The following POU2F1 variants were observed in gnomAD, a reference collection of about 807,000 sequenced individuals.
The protein encoded by POU2F1 is POU domain, class 2, transcription factor 1.
Under a neutral mutation model 84.9 loss-of-function variants are expected in POU2F1, and 16 were observed. The observed-to-expected ratio is 0.19, with a 90% CI of 0.13 to 0.29. The LOEUF (loss-of-function observed/expected upper bound fraction) is 0.29. POU2F1 is among the 10% of genes least tolerant of loss of function. The pLI is 1.00. For synonymous variants in POU2F1, 368 were observed against 368.3 expected, an observed-to-expected ratio of 1.00 and a Z score of 0.01; for missense variants, 738 against 942.6, an observed-to-expected ratio of 0.78 and a Z score of 2.84.
rs1489353981 is a variant in POU2F1 at position 167,416,792 on chromosome 1, A to G, written c.*982A>G. 1.3e-5 allele frequency: 2 copies of G among 152,350 alleles called. No individual in the cohort carries two copies. The highest frequency in any genetic ancestry group is 4.8e-5 in the African/African-American group (2 of 41,444). The allele number at this position is 152,350 out of a possible 1,614,324, so 9.4% of individuals were successfully genotyped here. ...CCTGAGGCCCAGTTCCTGTGGTGCA[A>G]CAGTGCTGCTTTCTGCTACTTTCAA... is the stretch of plus-strand genomic sequence containing the variant. On this transcript the variant is annotated 3_prime_UTR_variant, in exon 16 of 16. Coordinates refer to ENST00000367866, the MANE Select transcript of POU2F1 (RefSeq NM_002697.4).
chr1:167,245,411 ATT>A (rs985054717), intron 1 of POU2F1, among the ~76,000 whole-genome samples: 21 of 132,398 alleles, frequency 1.6e-4, no homozygotes, highest in African/African-American at 8.3e-5. Flanking sequence ...TGCCTGGCTA[ATT>A]TTTTTTTTTT....
chr1:167,372,929 T>TTTTC lies in POU2F1; in HGVS notation c.402+913_402+916dup, dbSNP rs36194315. On this transcript the variant is annotated intron_variant, in intron 5 of 15. Coordinates refer to ENST00000367866, the MANE Select transcript of POU2F1 (RefSeq NM_002697.4). Reference sequence around the variant, plus strand: ...CCCAAGAATTTCCTAGGGTTTTTTGTTTTCTTTCTTTCTTTCTTTCTTTTT... The same window carrying TTTTC: ...CCCAAGAATTTCCTAGGGTTTTTTGTTTTCTTTCTTTCTTTCTTTCTTTCTTTTT... Among the ~76,000 whole-genome samples the TTTTC allele has an allele frequency of 3.9e-3, 584 of 150,846 alleles. 4 individuals are homozygous for TTTTC. Among genetic ancestry groups the TTTTC allele is most frequent in the African/African-American group, 0.013 (548 of 41,102 alleles).
chr1:167,300,141 C>T (rs1057246344), intron 1 of POU2F1, among the ~76,000 whole-genome samples: 7 of 152,168 alleles, frequency 4.6e-5, no homozygotes, highest in Non-Finnish European at 1.0e-4. Context: ...AGGCTATTAC[C>T]CTAAGCGAGT....
intron 1 of POU2F1, among the ~76,000 whole-genome samples, chr1:167,310,117 A>C (rs1655355437): frequency 6.6e-6 from 1 of 152,184 alleles, no homozygotes; most frequent in Non-Finnish European, 1.5e-5. Context: ...GATATTGATT[A>C]ACTTTGGAAG....
chr1:167,277,941 C>A (rs1216394410), intron 1 of POU2F1, among the ~76,000 whole-genome samples: 2 of 152,124 alleles, frequency 1.3e-5, no homozygotes, highest in Non-Finnish European at 2.9e-5. Flanking sequence ...GGATTATCTC[C>A]CCCTTGCAGC....
At position 167,383,966 on chromosome 1, in the gene POU2F1, A is replaced by G. The variant is rs2101880131; in HGVS notation, c.813+15A>G. 1.3e-6 allele frequency: 2 copies of G among 1,591,644 alleles called. No homozygotes were observed. The highest frequency in any genetic ancestry group is 1.1e-5 in the South Asian group (1 of 89,048). On this transcript the variant is annotated intron_variant, in intron 8 of 15. Coordinates refer to ENST00000367866, the MANE Select transcript of POU2F1 (RefSeq NM_002697.4). ...TCACCTCCCAGGTCAGTTTTCTTCTATGGGGGCTGCTTTCTCTTATCATAT... is the reference window on the plus strand; with the variant it reads ...TCACCTCCCAGGTCAGTTTTCTTCTGTGGGGGCTGCTTTCTCTTATCATAT...
intron 2 of POU2F1, among the ~76,000 whole-genome samples, chr1:167,357,672 C>T (rs1471495762): frequency 6.6e-6 from 1 of 151,888 alleles, no homozygotes; most frequent in South Asian, 2.1e-4. Flanking sequence ...AGCCAGCACA[C>T]CCAGTCCTTA....
At chr1:167,395,928 T>C (rs1333946046) in intron 9 of POU2F1, among the ~76,000 whole-genome samples, 2 of 152,200 alleles carry the variant, frequency 1.3e-5, no homozygotes, top group African/African-American at 4.8e-5. Context: ...TTTTTAAAAA[T>C]TACTTAAATC....
At chr1:167,231,968 G>C (rs1440691874) in intron 1 of POU2F1, among the ~76,000 whole-genome samples, 1 of 152,112 alleles carries the variant, frequency 6.6e-6, no homozygotes, top group Non-Finnish European at 1.5e-5. Context: ...CAAGGGGATT[G>C]GTTCCAGGAT....
intron 15 of POU2F1, among the ~76,000 whole-genome samples, chr1:167,413,661 A>G (rs939700838): frequency 6.6e-5 from 10 of 152,086 alleles, no homozygotes; most frequent in Non-Finnish European, 1.2e-4. Context: ...ATTCTCTTGG[A>G]TTATAATGTC....
intron 1 of POU2F1, among the ~76,000 whole-genome samples, chr1:167,240,648 A>G (rs1649830834): frequency 6.6e-6 from 1 of 152,268 alleles, no homozygotes; most frequent in South Asian, 2.1e-4. Flanking sequence ...CTGAAAATCT[A>G]CTATTGTTTT....
rs888765746 is a variant in POU2F1, at chr1:167,416,943, T to G, written c.*1133T>G. 1 of 152,202 alleles carries G rather than the reference T, an allele frequency of 6.6e-6. No homozygotes were observed. The highest frequency in any genetic ancestry group is 1.5e-5 in the Non-Finnish European group (1 of 68,032). The allele number at this position is 152,202 out of a possible 1,614,324, so 9.4% of individuals were successfully genotyped here. ...AAAAATGCTCCTGCTGTTGGTGTGTTTGTTTGTTTGTTCCATTTTGTGGAA... is the reference window on the plus strand; with the variant it reads ...AAAAATGCTCCTGCTGTTGGTGTGTGTGTTTGTTTGTTCCATTTTGTGGAA... On this transcript the variant is annotated 3_prime_UTR_variant, in exon 16 of 16. Transcript: ENST00000367866.
At position 167,396,634 on chromosome 1, in the gene POU2F1, A is replaced by G. The variant is rs188460281; in HGVS notation, c.1129+207A>G. 688 of 529,492 alleles carry G rather than the reference A, an allele frequency of 1.3e-3. 1 individual carries two copies. Among genetic ancestry groups the G allele is most frequent in the Non-Finnish European group, 2.0e-3 (611 of 308,766 alleles). 32.8% of individuals were successfully genotyped at this position (529,492 alleles called of 1,614,324 possible). ...TATTCTAGTAATTACAGTATAAATA[A>G]TTAGCCGTAATTTTTAGCCTGAAAT... On this transcript the variant is annotated intron_variant, in intron 10 of 15. Coordinates refer to ENST00000367866, the MANE Select transcript of POU2F1 (RefSeq NM_002697.4).
intron 1 of POU2F1, among the ~76,000 whole-genome samples, chr1:167,233,857 A>G (rs1026081686): frequency 4.6e-5 from 7 of 152,356 alleles, no homozygotes; most frequent in Admixed American, 2.0e-4. Context: ...ATACTTTTCA[A>G]TAAATACATT....
At chr1:167,346,980 C>G (rs932798957) in intron 2 of POU2F1, among the ~76,000 whole-genome samples, 1 of 152,146 alleles carries the variant, frequency 6.6e-6, no homozygotes, top group Non-Finnish European at 1.5e-5. Flanking sequence ...AAAAAATGAG[C>G]AGTAGCTAAG....
intron 1 of POU2F1, among the ~76,000 whole-genome samples, chr1:167,290,392 G>A (rs1225985208): frequency 3.3e-5 from 5 of 152,014 alleles, no homozygotes; most frequent in African/African-American, 1.2e-4. Flanking sequence ...GCAAGGCCCT[G>A]TCTCAAAAAA....
intron 2 of POU2F1, among the ~76,000 whole-genome samples, chr1:167,335,830 T>G (rs1657408513): frequency 6.6e-6 from 1 of 152,218 alleles, no homozygotes. Flanking sequence ...TGAGGGTCAG[T>G]CTCAAAGAAA....
chr1:167,293,931 A>G (rs943099103), intron 1 of POU2F1, among the ~76,000 whole-genome samples: 1 of 152,154 alleles, frequency 6.6e-6, no homozygotes, highest in Non-Finnish European at 1.5e-5. Context: ...CTGGATTCCT[A>G]TCTCTCACCT....
chr1:167,409,102 T>C (rs1377708330), intron 13 of POU2F1, among the ~76,000 whole-genome samples: 1 of 152,212 alleles, frequency 6.6e-6, no homozygotes, highest in African/African-American at 2.4e-5. Context: ...GTGAACTCTT[T>C]GCTTAACCCA....
Sources: gnomAD v4.1 joint callset for allele counts (sites outside exome capture counted in the v4.1 genomes callset) on GRCh38, gnomAD v4.1.1 for gene constraint, MANE v1.5 for transcripts, NCBI Gene and HGNC (gene_info 2026-07-23, HGNC 2026-07-21) for gene names.